Variants in PCDHGB2 observed in about 807,000 individuals in gnomAD.
The protein encoded by PCDHGB2 is protocadherin gamma-B2.
A neutral mutation model predicts 59.3 loss-of-function variants in PCDHGB2; 55 were observed. That is an observed-to-expected ratio of 0.93 (90% CI 0.75 to 1.16). The LOEUF (loss-of-function observed/expected upper bound fraction) is 1.16, where lower values mean the gene tolerates loss of function less well. Ranked by LOEUF, PCDHGB2 falls within the 50% of genes most tolerant of loss-of-function variation. PCDHGB2 has a pLI of 0.00. For synonymous variants in PCDHGB2, 516 were observed against 512.0 expected (o/e 1.01, Z -0.11); for missense variants, 1,228 against 1,198.5 (o/e 1.02, Z -0.36).
At chr5:141,460,159 T>A (rs1313260289) in intron 1 of PCDHGB2, among the ~76,000 whole-genome samples, 3 of 152,260 alleles carry the variant, frequency 2.0e-5, no homozygotes, top group Non-Finnish European at 1.5e-5. Context: ...CTTTGTCACA[T>A]ACATATTTTG....
At position 141,360,504 on chromosome 5, in the gene PCDHGB2, G is replaced by T. The variant is rs778091119; in HGVS notation, c.369G>T (p.Val123=). 5 of 1,613,814 alleles carry T rather than the reference G, an allele frequency of 3.1e-6. No homozygotes were observed. The African/African-American group carries it at 4.0e-5, about 13-fold the overall frequency. Residue 123 remains valine (V), a synonymous_variant, in exon 1 of 4, where the codon GTG becomes GTT. Transcript: ENST00000522605. The stretch of plus-strand genomic sequence containing the variant: ...ATATTTTCTACATAGCAGTAATTGT[G>T]CAGGATATAAATGATAATACCCCGC... ...PLNIFYIAVI[V]QDINDNTPLF...
At chr5:141,376,139 G>C in intron 1 of PCDHGB2, 1 of 1,613,958 alleles carries the variant, frequency 6.2e-7, no homozygotes, top group Non-Finnish European at 8.5e-7. Flanking sequence ...CAAACCCAAC[G>C]ATTCGGACCT....
At chr5:141,412,133 C>T (rs2095537829) in intron 1 of PCDHGB2, 1 of 152,184 alleles carries the variant, frequency 6.6e-6, no homozygotes, top group African/African-American at 2.4e-5. Flanking sequence ...GGACTTTGGC[C>T]TCTGATACAA....
intron 1 of PCDHGB2, chr5:141,370,727 A>G: frequency 6.2e-7 from 1 of 1,613,856 alleles, no homozygotes; most frequent in Non-Finnish European, 8.5e-7. Context: ...TGGTTGCTGA[A>G]AAGCCTTTAA....
intron 1 of PCDHGB2, among the ~76,000 whole-genome samples, chr5:141,448,877 G>A (rs1421211206): frequency 6.6e-6 from 1 of 152,112 alleles, no homozygotes; most frequent in African/African-American, 2.4e-5. Flanking sequence ...CCTGGGAGGC[G>A]GAGCTTGCAG....
In PCDHGB2 at chr5:141,389,591, C is replaced by G. The variant is rs533336501; in HGVS notation, c.2421+27035C>G. ...TGTACCCCGCGCTGGGTCCCGACGG[C>G]TCTGCGCTCTTCGATATGGTGCCGC... On this transcript the variant is annotated intron_variant, in intron 1 of 3. Transcript: ENST00000522605. 2.1e-5 allele frequency: 34 copies of G among 1,613,176 alleles called. No homozygotes were observed. The African/African-American group carries it at 2.1e-4, about 10-fold the overall frequency.
chr5:141,487,455 A>G lies in PCDHGB2; in HGVS notation c.2422-7352A>G, dbSNP rs751456631. 6.2e-7 allele frequency: 1 copy of G among 1,614,122 alleles called. No individual in the cohort carries two copies. The highest frequency in any genetic ancestry group is 8.5e-7 in the Non-Finnish European group (1 of 1,180,032). On this transcript the variant is annotated intron_variant, in intron 1 of 3. Coordinates refer to ENST00000522605, the MANE Select transcript of PCDHGB2 (RefSeq NM_018923.3). The surrounding 1 kb of genome is among the most constrained non-coding windows in gnomAD (Gnocchi z 5.0). ...CAGCTAGGGTCAGATGACCCTATCA[A>G]GTTTGTTGATGTGGGAGGCCACTCT...
chr5:141,422,317 G>A (rs1266672163), intron 1 of PCDHGB2: 2 of 1,548,092 alleles, frequency 1.3e-6, no homozygotes, highest in Non-Finnish European at 1.7e-6. Context: ...CTCTCCTCCA[G>A]GTACAGTGAT....
At chr5:141,395,315 G>A in intron 1 of PCDHGB2, 1 of 1,486,272 alleles carries the variant, frequency 6.7e-7, no homozygotes, top group Middle Eastern at 1.8e-4. Context: ...AAAACATTGT[G>A]AAGATAGTTG....
intron 1 of PCDHGB2, chr5:141,376,645 T>C: frequency 9.9e-7 from 1 of 1,010,330 alleles, no homozygotes; most frequent in South Asian, 1.7e-5. Flanking sequence ...TTTTGTAAAG[T>C]GGAAGACTCC....
chr5:141,489,335 G>T lies in PCDHGB2; in HGVS notation c.2422-5472G>T. On this transcript the variant is annotated intron_variant, in intron 1 of 3. Transcript: ENST00000522605. This position sits in a 1 kb window ranked among gnomAD's most constrained non-coding sequence, Gnocchi z 4.5. ...TGGGGCTGGGTGTCTGGGCAGCTTC[G>T]TTACTCAGTGGTGGAGGAGTCTGAG... 1.2e-6 allele frequency: 2 copies of T among 1,607,364 alleles called. No individual in the cohort carries two copies. The highest frequency in any genetic ancestry group is 1.7e-6 in the Non-Finnish European group (2 of 1,175,842).
At chr5:141,408,882 A>G (rs1561715935) in intron 1 of PCDHGB2, 1 of 1,613,404 alleles carries the variant, frequency 6.2e-7, no homozygotes, top group Admixed American at 1.7e-5. Context: ...GCCACCGCTC[A>G]CATAGAAATT....
intron 1 of PCDHGB2, chr5:141,400,321 G>T (rs190006023): frequency 1.9e-6 from 3 of 1,614,064 alleles, no homozygotes; most frequent in East Asian, 2.2e-5. Context: ...TGTCAAGTCT[G>T]GACCTGTGGT....
Position 141,432,548 on chromosome 5 carries a change from G to T in PCDHGB2, c.2422-62259G>T, listed in dbSNP as rs1251651638. On this transcript the variant is annotated intron_variant, in intron 1 of 3. Coordinates refer to ENST00000522605, the MANE Select transcript of PCDHGB2 (RefSeq NM_018923.3). The surrounding 1 kb of genome is among the most constrained non-coding windows in gnomAD (Gnocchi z 6.0). ...GACCAAGGTGGTGGCGGTGGACAGA[G>T]ACTCCGGCCAGAACGCCTGGCTGTC... 1.9e-6 allele frequency: 3 copies of T among 1,613,998 alleles called. No homozygotes were observed. The South Asian group carries it at 3.3e-5, about 18-fold the overall frequency.
intron 1 of PCDHGB2, chr5:141,428,444 T>C (rs2097139811): frequency 5.3e-6 from 2 of 379,264 alleles, no homozygotes; most frequent in Non-Finnish European, 1.0e-5. Context: ...AGACCAGGGG[T>C]TTTTCCCAAC....
chr5:141,468,486 TG>T (rs1562016448), intron 1 of PCDHGB2: 14 of 152,288 alleles, frequency 9.2e-5, no homozygotes. Context: ...GTAGGTCTCA[TG>T]GAAGATTTTC....
chr5:141,481,502 T>G (rs1425241526), intron 1 of PCDHGB2, among the ~76,000 whole-genome samples: 1 of 152,232 alleles, frequency 6.6e-6, no homozygotes, highest in Non-Finnish European at 1.5e-5. Context: ...TTGCATGGTA[T>G]GTGAATTATG....
chr5:141,500,232 G>A (rs1024752888), intron 2 of PCDHGB2, among the ~76,000 whole-genome samples: 1 of 137,690 alleles, frequency 7.3e-6, no homozygotes, highest in South Asian at 2.3e-4. Flanking sequence ...TTATTGATAC[G>A]TAGCCTTGCT....
intron 1 of PCDHGB2, chr5:141,417,757 G>A: frequency 7.0e-7 from 1 of 1,435,144 alleles, no homozygotes; most frequent in Non-Finnish European, 9.2e-7. Flanking sequence ...CCAGCTCCGA[G>A]ACCCGGGACT....
Sources: allele counts gnomAD v4.1 joint callset (sites outside exome capture counted in the v4.1 genomes callset), GRCh38; gene constraint gnomAD v4.1.1; non-coding constraint Gnocchi (gnomAD v3.1); transcripts MANE v1.5; gene names NCBI Gene and HGNC (gene_info 2026-07-23, HGNC 2026-07-21).